TENM3: variants seen among roughly 807,000 people sequenced by gnomAD.
The protein encoded by TENM3 is teneurin-3.
In TENM3, 63 loss-of-function variants were observed where a neutral mutation model predicts 255.1. The ratio of observed to expected loss-of-function variants is 0.25; its 90% CI spans 0.20 to 0.30. The LOEUF (loss-of-function observed/expected upper bound fraction) is 0.30, where lower values mean the gene tolerates loss of function less well. Among genes scored for constraint, TENM3 ranks in the 10% least tolerant of loss-of-function variants. TENM3 has a pLI of 1.00. For synonymous variants in TENM3, 1,306 were observed against 1,322.3 expected (o/e 0.99, Z 0.27); for missense variants, 2,929 against 3,461.1 (o/e 0.85, Z 3.86).
intron 1 of TENM3, among the ~76,000 whole-genome samples, chr4:182,181,188 C>A (rs1234190478): frequency 1.3e-5 from 2 of 152,190 alleles, no homozygotes; most frequent in African/African-American, 4.8e-5. Context: ...ATTCCGTATA[C>A]ATAACTAATC....
At chr4:182,483,594 G>A (rs2124983) in intron 3 of TENM3, among the ~76,000 whole-genome samples, 137,111 of 152,210 alleles carry the variant, frequency 0.9, 62,264 homozygotes, top group East Asian at 1. Flanking sequence ...GTATGTCTAG[G>A]AAGGTATAGC....
the TENM3 span, among the ~76,000 whole-genome samples, chr4:181,899,903 T>C: frequency 2.0e-5 from 3 of 152,290 alleles, no homozygotes; most frequent in East Asian, 5.8e-4. Flanking sequence ...GATATTTTAT[T>C]CTTGAAGTAA....
the TENM3 span, among the ~76,000 whole-genome samples, chr4:181,747,979 C>T: frequency 1.3e-5 from 2 of 152,100 alleles, no homozygotes; most frequent in African/African-American, 2.4e-5. Flanking sequence ...CTGTCATTCT[C>T]TTGGCATGTC....
At chr4:182,514,512 A>G (rs1737740413) in intron 3 of TENM3, among the ~76,000 whole-genome samples, 1 of 152,190 alleles carries the variant, frequency 6.6e-6, no homozygotes, top group South Asian at 2.1e-4. Context: ...GTGGTTTTGA[A>G]ACTTTTATGA....
At chr4:182,080,596 C>T in the TENM3 span, among the ~76,000 whole-genome samples, 11 of 152,170 alleles carry the variant, frequency 7.2e-5, no homozygotes, top group South Asian at 2.1e-3. Context: ...ATGTACTATC[C>T]AACATTCATA....
At chr4:182,134,928 C>A in the TENM3 span, among the ~76,000 whole-genome samples, 1 of 151,970 alleles carries the variant, frequency 6.6e-6, no homozygotes, top group African/African-American at 2.4e-5. Flanking sequence ...CAAAGTTTGG[C>A]CAGGTGCAGT....
At chr4:182,081,583 CAAAAAAAAAA>C in the TENM3 span, among the ~76,000 whole-genome samples, 3 of 87,534 alleles carry the variant, frequency 3.4e-5, no homozygotes, top group Admixed American at 2.9e-4. Context: ...GGCTCTGCCT[CAAAAAAAAAA>C]AAAAAAAAAA....
the TENM3 span, among the ~76,000 whole-genome samples, chr4:181,731,034 A>G: frequency 2.0e-5 from 3 of 152,218 alleles, no homozygotes; most frequent in African/African-American, 7.2e-5. Context: ...TGAATTTGAT[A>G]TGCATTATGA....
chr4:182,171,074 T>C (rs1752076950), intron 1 of TENM3, among the ~76,000 whole-genome samples: 1 of 152,178 alleles, frequency 6.6e-6, no homozygotes, highest in Admixed American at 6.5e-5. Flanking sequence ...AAAATACCTT[T>C]AATTCACTGA....
chr4:181,793,199 G>A, the TENM3 span, among the ~76,000 whole-genome samples: 4 of 152,124 alleles, frequency 2.6e-5, no homozygotes, highest in Non-Finnish European at 4.4e-5. Context: ...GGGCTGGCCG[G>A]CGATCCAGCT....
the TENM3 span, among the ~76,000 whole-genome samples, chr4:181,567,219 C>T: frequency 1.3e-5 from 2 of 152,212 alleles, no homozygotes; most frequent in African/African-American, 4.8e-5. Flanking sequence ...CTTTAAGGAT[C>T]ACCCCATCAC....
chr4:181,828,026 T>C, the TENM3 span, among the ~76,000 whole-genome samples: 4 of 152,198 alleles, frequency 2.6e-5, no homozygotes, highest in Admixed American at 2.6e-4. Context: ...AAGAGAGTTC[T>C]GCCTGCTTGG....
At chr4:182,354,646 G>A (rs1211900743) in intron 3 of TENM3, among the ~76,000 whole-genome samples, 2 of 152,088 alleles carry the variant, frequency 1.3e-5, no homozygotes, top group Non-Finnish European at 2.9e-5. Context: ...TTACTGAATG[G>A]TTTGAATACT....
At chr4:181,760,362 ACTG>A in the TENM3 span, among the ~76,000 whole-genome samples, 325 of 152,296 alleles carry the variant, frequency 2.1e-3, 1 homozygote, top group African/African-American at 7.3e-3. Flanking sequence ...TTGTTTTTAA[ACTG>A]CTAATAAAAT....
the TENM3 span, among the ~76,000 whole-genome samples, chr4:181,467,119 ATATATATTTTTTTTT>A: frequency 4.4e-4 from 25 of 56,296 alleles, 1 homozygote; most frequent in Middle Eastern, 8.3e-3. Flanking sequence ...ATATATATAT[ATATATATTTTTTTTT>A]TTTTTTTTTT....
the TENM3 span, among the ~76,000 whole-genome samples, chr4:181,559,135 A>C: frequency 6.6e-6 from 1 of 152,142 alleles, no homozygotes; most frequent in South Asian, 2.1e-4. Flanking sequence ...GAGTACATAT[A>C]AGCAAAGTGC....
chr4:182,192,452 G>T (rs1753584768), intron 1 of TENM3, among the ~76,000 whole-genome samples: 1 of 152,134 alleles, frequency 6.6e-6, no homozygotes, highest in African/African-American at 2.4e-5. Context: ...GTATTCGCTG[G>T]AAGTCAGGTT....
chr4:182,170,699 T>C (rs1169201195), intron 1 of TENM3, among the ~76,000 whole-genome samples: 1 of 152,162 alleles, frequency 6.6e-6, no homozygotes, highest in Non-Finnish European at 1.5e-5. Flanking sequence ...TTTGATCTTT[T>C]TCCAAGTAAA....
intron 3 of TENM3, among the ~76,000 whole-genome samples, chr4:182,436,321 G>A (rs1238260224): frequency 6.6e-6 from 1 of 152,114 alleles, no homozygotes; most frequent in Non-Finnish European, 1.5e-5. Flanking sequence ...TCATGGAAGG[G>A]GCAGGATTCA....
Sources: gnomAD v4.1 joint callset for allele counts (sites outside exome capture counted in the v4.1 genomes callset) on GRCh38, gnomAD v4.1.1 for gene constraint, MANE v1.5 for transcripts, NCBI Gene and HGNC (gene_info 2026-07-23, HGNC 2026-07-21) for gene names.